CAPN9: variants seen among roughly 807,000 people sequenced by gnomAD.
CAPN9 encodes calpain 9.
A neutral mutation model predicts 92.8 loss-of-function variants in CAPN9; 81 were observed. The ratio of observed to expected loss-of-function variants is 0.87; its 90% CI spans 0.73 to 1.05. The LOEUF (loss-of-function observed/expected upper bound fraction) is 1.05. Ranked by LOEUF, CAPN9 falls within the 50% of genes least tolerant of loss-of-function variation. The pLI is 0.00. For synonymous variants in CAPN9, 304 were observed against 328.0 expected, an observed-to-expected ratio of 0.93 and a Z score of 0.79; for missense variants, 848 against 866.2, an observed-to-expected ratio of 0.98 and a Z score of 0.26.
At position 230,787,406 on chromosome 1, in the gene CAPN9, G is replaced by A. The variant is rs528059254; in HGVS notation, c.1519-116G>A. On this transcript the variant is annotated intron_variant, in intron 12 of 19. Coordinates refer to ENST00000271971, the MANE Select transcript of CAPN9 (RefSeq NM_006615.3). The stretch of plus-strand genomic sequence containing the variant: ...CTACAGGACGCAGCTTGTGCACACT[G>A]CCTCAGGAGGGTGACATGGGGCTGG... 16 of 779,216 alleles carry A rather than the reference G, an allele frequency of 2.1e-5. No individual in the cohort carries two copies. In the African/African-American group the frequency reaches 2.4e-4, roughly 12 times the overall value. The allele number at this position is 779,216 out of a possible 1,614,324, so 48.3% of individuals were successfully genotyped here.
intron 5 of CAPN9, among the ~76,000 whole-genome samples, chr1:230,768,055 A>T (rs866674068): frequency 2.5e-5 from 2 of 80,722 alleles, no homozygotes; most frequent in South Asian, 5.7e-4. Context: ...TAAATAAATA[A>T]AAAATAAAAT....
In CAPN9 at chr1:230,780,626, A is replaced by T; in HGVS notation, c.1399A>T (p.Ile467Phe). Residue 467 changes from isoleucine to phenylalanine, a missense_variant, in exon 11 of 20, where the codon ATC becomes TTC. By Grantham distance (21) the Ile-to-Phe change is conservative. Transcript: ENST00000271971. ...GTTCAAGCTGCCCCCTGGGGAGTAC[A>T]TCCTGATTCCCAGCACTTTTGAGCC... ...DRFKLPPGEY[I>F]LIPSTFEPHQ... 1 of 1,614,148 alleles carries T rather than the reference A, an allele frequency of 6.2e-7. No homozygotes were observed. The highest frequency in any genetic ancestry group is 1.6e-4 in the Middle Eastern group (1 of 6,062).
At chr1:230,766,090 T>TA (rs1471569525) in intron 4 of CAPN9, among the ~76,000 whole-genome samples, 3 of 151,686 alleles carry the variant, frequency 2.0e-5, no homozygotes, top group Non-Finnish European at 2.9e-5. Flanking sequence ...CACTCTTTTT[T>TA]TTATTATTAT....
intron 14 of CAPN9, 134 bp downstream of exon 14, chr1:230,790,323 A>C (rs1667895662): frequency 7.3e-7 from 1 of 1,377,642 alleles, no homozygotes; most frequent in Admixed American, 3.3e-5. Flanking sequence ...CTTTAAAAAT[A>C]GCTTTCATTG....
intron 5 of CAPN9, among the ~76,000 whole-genome samples, chr1:230,768,643 A>G (rs1666172381): frequency 6.6e-6 from 1 of 151,736 alleles, no homozygotes; most frequent in Non-Finnish European, 1.5e-5. Context: ...ACACACACTT[A>G]TAATTTTATC....
chr1:230,759,934 C>T (rs1283926556), intron 3 of CAPN9, among the ~76,000 whole-genome samples: 1 of 152,174 alleles, frequency 6.6e-6, no homozygotes, highest in Non-Finnish European at 1.5e-5. Flanking sequence ...GTGCTTTAAG[C>T]ACAAATTGAC....
chr1:230,779,816 A>G (rs1394600083), intron 9 of CAPN9, among the ~76,000 whole-genome samples: 2 of 152,222 alleles, frequency 1.3e-5, no homozygotes, highest in Non-Finnish European at 2.9e-5. Context: ...CAGGGGGACA[A>G]CCAGAAGTCC....
chr1:230,772,253 C>T (rs549636275), intron 7 of CAPN9, among the ~76,000 whole-genome samples, 154 bp downstream of exon 7: 20 of 152,348 alleles, frequency 1.3e-4, no homozygotes, highest in African/African-American at 4.8e-4. Context: ...TTCTTCCTCC[C>T]CTTTCAGCCC....
intron 19 of CAPN9, among the ~76,000 whole-genome samples, chr1:230,799,904 A>G (rs1668568645): frequency 6.6e-6 from 1 of 151,056 alleles, no homozygotes; most frequent in Non-Finnish European, 1.5e-5. Flanking sequence ...CCTGTCTCTT[A>G]AAAAAGAAAG....
rs151311073 is a variant in CAPN9, at chr1:230,792,848, A to G, written c.1792-2A>G. 7.4e-6 allele frequency: 12 copies of G among 1,613,502 alleles called. No homozygotes were observed. Among genetic ancestry groups the G allele is most frequent in the African/African-American group, 1.3e-5 (1 of 74,908 alleles). On this transcript the variant is annotated splice_acceptor_variant, in intron 16 of 19. Coordinates refer to ENST00000271971, the MANE Select transcript of CAPN9 (RefSeq NM_006615.3). LOFTEE classifies it high-confidence loss of function. Reference sequence around the variant, plus strand: ...TCAAGGCTTCTGCTCTCCACCCTTTAGAACCTTTTCCTTCGGTTTGATGCT... The same window carrying G: ...TCAAGGCTTCTGCTCTCCACCCTTTGGAACCTTTTCCTTCGGTTTGATGCT...
intron 2 of CAPN9, among the ~76,000 whole-genome samples, 168 bp downstream of exon 2, chr1:230,755,574 G>A (rs1665170725): frequency 1.3e-5 from 2 of 152,210 alleles, no homozygotes; most frequent in Non-Finnish European, 2.9e-5. Flanking sequence ...GTGGCCTCAA[G>A]CCCCTGCACC....
chr1:230,778,950 C>G (rs373768301), intron 8 of CAPN9, 23 bp from the exon 9 acceptor site: 1 of 1,605,046 alleles, frequency 6.2e-7, no homozygotes, highest in Non-Finnish European at 8.5e-7. Context: ...TCCTGTGCAT[C>G]GTGTCTCTCC....
intron 18 of CAPN9, among the ~76,000 whole-genome samples, chr1:230,797,303 G>A (rs1015557661): frequency 1.3e-5 from 2 of 152,172 alleles, no homozygotes; most frequent in Non-Finnish European, 2.9e-5. Flanking sequence ...CAGAAACTCT[G>A]TCCATTCATC....
At chr1:230,748,566 T>C (rs762140804) in intron 1 of CAPN9, among the ~76,000 whole-genome samples, 2 of 152,178 alleles carry the variant, frequency 1.3e-5, no homozygotes, top group Non-Finnish European at 2.9e-5. Context: ...ATCACTTCAT[T>C]TCCCTGAGCC....
chr1:230,791,789 T>C, intron 14 of CAPN9, 75 bp from the exon 15 acceptor site: 1 of 1,138,048 alleles, frequency 8.8e-7, no homozygotes, highest in Non-Finnish European at 1.3e-6. Context: ...AGCCACATTA[T>C]TGGGCTTTCA....
At chr1:230,794,702 C>T (rs28359725) in intron 17 of CAPN9, among the ~76,000 whole-genome samples, 15,302 of 152,042 alleles carry the variant, frequency 0.1, 887 homozygotes, top group South Asian at 0.23. Flanking sequence ...CCGTGGGCAG[C>T]AGCATCCCCT....
chr1:230,798,929 A>G (rs1252400840), intron 19 of CAPN9, among the ~76,000 whole-genome samples: 1 of 152,228 alleles, frequency 6.6e-6, no homozygotes, highest in African/African-American at 2.4e-5. Context: ...GAAGCTTGGG[A>G]ACGCTCTTGA....
At chr1:230,752,940 C>T (rs1664940648) in intron 1 of CAPN9, among the ~76,000 whole-genome samples, 1 of 152,164 alleles carries the variant, frequency 6.6e-6, no homozygotes, top group Non-Finnish European at 1.5e-5. Context: ...GCAGGCTATT[C>T]CTGGGACTCT....
intron 19 of CAPN9, among the ~76,000 whole-genome samples, chr1:230,798,789 G>A (rs1185731481): frequency 2.0e-5 from 3 of 152,188 alleles, no homozygotes; most frequent in Admixed American, 1.3e-4. Flanking sequence ...CTCACAGGGA[G>A]GTCCATGGGC....
Sources: allele counts gnomAD v4.1 joint callset (sites outside exome capture counted in the v4.1 genomes callset), GRCh38; gene constraint gnomAD v4.1.1; transcripts MANE v1.5; gene names NCBI Gene and HGNC (gene_info 2026-07-23, HGNC 2026-07-21).